CSMD3: variants seen among roughly 807,000 people sequenced by gnomAD.
CSMD3 encodes CUB and sushi domain-containing protein 3.
CSMD3 carries 177 observed loss-of-function variants against 435.2 expected under a neutral mutation model. The observed-to-expected ratio is 0.41, with a 90% CI of 0.36 to 0.46. The LOEUF (loss-of-function observed/expected upper bound fraction) is 0.46. Among genes scored for constraint, CSMD3 ranks in the 20% least tolerant of loss-of-function variants. CSMD3 has a pLI of 0.34. For missense variants in CSMD3, 4,265 were observed against 4,504.6 expected, an observed-to-expected ratio of 0.95 and a Z score of 1.52; for synonymous variants, 1,656 against 1,520.5, an observed-to-expected ratio of 1.09 and a Z score of -2.07.
chr8:112,590,879 C>T (rs142729901), intron 22 of CSMD3, among the ~76,000 whole-genome samples: 234 of 152,048 alleles, frequency 1.5e-3, no homozygotes, highest in African/African-American at 5.4e-3. Flanking sequence ...GTTTTAAGTT[C>T]TTGATAACTG....
At chr8:112,886,356 T>G (rs1215310760) in intron 10 of CSMD3, among the ~76,000 whole-genome samples, 1 of 151,534 alleles carries the variant, frequency 6.6e-6, no homozygotes, top group Non-Finnish European at 1.5e-5. Flanking sequence ...TTTTTCTTTT[T>G]TTTTCTTTTT....
intron 59 of CSMD3, among the ~76,000 whole-genome samples, chr8:112,272,262 G>A (rs867237801): frequency 6.6e-6 from 1 of 152,114 alleles, no homozygotes; most frequent in Non-Finnish European, 1.5e-5. Context: ...TCTAAAAATT[G>A]ATATCAGGAT....
chr8:112,275,188 A>G (rs1817918996), intron 59 of CSMD3, among the ~76,000 whole-genome samples: 2 of 152,206 alleles, frequency 1.3e-5, no homozygotes, highest in South Asian at 2.1e-4. Context: ...AAGCAAAACT[A>G]TATGTATAAG....
intron 1 of CSMD3, among the ~76,000 whole-genome samples, chr8:113,426,151 AAC>A (rs2094634768): frequency 6.6e-6 from 1 of 151,382 alleles, no homozygotes; most frequent in African/African-American, 2.4e-5. Context: ...AGCCTTTAGC[AAC>A]ACAGAGTTCA....
At chr8:113,382,161 GTA>G (rs1205344641) in intron 1 of CSMD3, among the ~76,000 whole-genome samples, 4 of 152,028 alleles carry the variant, frequency 2.6e-5, no homozygotes, top group Non-Finnish European at 5.9e-5. Context: ...ATTCTTTAAA[GTA>G]TATAAAGATA....
At chr8:112,753,441 G>C (rs1333694399) in intron 13 of CSMD3, among the ~76,000 whole-genome samples, 1 of 152,102 alleles carries the variant, frequency 6.6e-6, no homozygotes, top group Admixed American at 6.5e-5. Flanking sequence ...TTTCTGGAAA[G>C]AATGAACATA....
intron 22 of CSMD3, among the ~76,000 whole-genome samples, chr8:112,609,351 A>G (rs368519507): frequency 2.6e-5 from 4 of 151,950 alleles, no homozygotes; most frequent in African/African-American, 9.7e-5. Context: ...GTAATGGGCT[A>G]GACGTTTCAG....
intron 6 of CSMD3, among the ~76,000 whole-genome samples, chr8:112,986,965 C>G (rs12675765): frequency 0.095 from 14,458 of 151,858 alleles, 1,036 homozygotes; most frequent in African/African-American, 0.19. Flanking sequence ...CCTCATCTTC[C>G]TCTAGCATAT....
intron 4 of CSMD3, among the ~76,000 whole-genome samples, chr8:113,169,259 A>T (rs2092222909): frequency 6.6e-6 from 1 of 152,150 alleles, no homozygotes; most frequent in South Asian, 2.1e-4. Context: ...TTTCTTTGTC[A>T]AAGGCAACAG....
intron 3 of CSMD3, among the ~76,000 whole-genome samples, chr8:113,235,540 T>C (rs1398001477): frequency 1.3e-5 from 2 of 152,060 alleles, no homozygotes; most frequent in African/African-American, 4.8e-5. Flanking sequence ...TTCAACTAAA[T>C]GGTAATGGGC....
intron 61 of CSMD3, among the ~76,000 whole-genome samples, chr8:112,261,487 A>G (rs1816393275): frequency 6.6e-6 from 1 of 151,764 alleles, no homozygotes; most frequent in Non-Finnish European, 1.5e-5. Flanking sequence ...TCTCATTTCT[A>G]TACATTTATT....
chr8:113,337,772 T>G (rs906786202), intron 1 of CSMD3, among the ~76,000 whole-genome samples: 1 of 151,978 alleles, frequency 6.6e-6, no homozygotes, highest in Non-Finnish European at 1.5e-5. Flanking sequence ...AGATCTATTG[T>G]ATAACATGGT....
intron 5 of CSMD3, among the ~76,000 whole-genome samples, chr8:113,049,195 C>A (rs370265085): frequency 1.2e-3 from 183 of 152,220 alleles, no homozygotes; most frequent in African/African-American, 4.1e-3. Flanking sequence ...GCCAAGATCA[C>A]GCCACTGCAC....
At chr8:113,384,626 T>A (rs2094431766) in intron 1 of CSMD3, among the ~76,000 whole-genome samples, 1 of 152,170 alleles carries the variant, frequency 6.6e-6, no homozygotes, top group Admixed American at 6.6e-5. Flanking sequence ...AGGGAATCAC[T>A]CATCTCATTG....
At chr8:112,631,245 GT>G (rs2074506746) in intron 22 of CSMD3, among the ~76,000 whole-genome samples, 1 of 152,030 alleles carries the variant, frequency 6.6e-6, no homozygotes, top group Non-Finnish European at 1.5e-5. Flanking sequence ...TGTAAATAAA[GT>G]TTTGTTGGAA....
Position 112,292,523 on chromosome 8 carries a change from A to T in CSMD3, c.8788+14T>A, listed in dbSNP as rs748765373. On this transcript the variant is annotated intron_variant, in intron 55 of 70. Transcript: ENST00000297405. ...TTATCATGCCACCAAATGGGAATAT[A>T]CTTAGACATTTACCTTTGCACATAG... is the stretch of plus-strand genomic sequence containing the variant. 1 of 1,612,772 alleles carries T rather than the reference A, an allele frequency of 6.2e-7. No individual in the cohort carries two copies. The highest frequency in any genetic ancestry group is 1.7e-5 in the Admixed American group (1 of 59,986).
intron 13 of CSMD3, among the ~76,000 whole-genome samples, chr8:112,780,845 C>A (rs543666709): frequency 6.6e-6 from 1 of 151,776 alleles, no homozygotes; most frequent in African/African-American, 2.4e-5. Context: ...CTACCATAGG[C>A]GAAAGTGGTC....
chr8:112,598,178 T>C (rs1368155757), intron 22 of CSMD3, among the ~76,000 whole-genome samples: 1 of 136,240 alleles, frequency 7.3e-6, no homozygotes, highest in Non-Finnish European at 1.6e-5. Flanking sequence ...AGTCTCAGGA[T>C]ACAAAAACAA....
intron 38 of CSMD3, among the ~76,000 whole-genome samples, chr8:112,361,335 A>G (rs1280450173): frequency 2.0e-5 from 3 of 151,618 alleles, no homozygotes. Flanking sequence ...AAAATTGCAC[A>G]CAGTTATGTC....
Sources: gnomAD v4.1 joint callset for allele counts (sites outside exome capture counted in the v4.1 genomes callset) on GRCh38, gnomAD v4.1.1 for gene constraint, MANE v1.5 for transcripts, NCBI Gene and HGNC (gene_info 2026-07-23, HGNC 2026-07-21) for gene names.